The following BICD1 variants were observed in gnomAD, a reference collection of about 807,000 sequenced individuals.
BICD1 encodes the protein protein bicaudal D homolog 1.
Under a neutral mutation model 92.5 loss-of-function variants are expected in BICD1, and 35 were observed. That is an observed-to-expected ratio of 0.38 (90% CI 0.29 to 0.50). The LOEUF (loss-of-function observed/expected upper bound fraction) is 0.50. Among genes scored for constraint, BICD1 ranks in the 20% least tolerant of loss-of-function variants. The pLI is 0.93. For synonymous variants in BICD1, 429 were observed against 465.1 expected, an observed-to-expected ratio of 0.92 and a Z score of 1.00; for missense variants, 950 against 1,189.8, an observed-to-expected ratio of 0.80 and a Z score of 2.97.
chr12:32,263,706 G>A (rs77532322), intron 2 of BICD1, among the ~76,000 whole-genome samples: 3,113 of 152,232 alleles, frequency 0.02, 115 homozygotes, highest in African/African-American at 0.072. Flanking sequence ...TAAGTAAATT[G>A]AGACTCAGAA....
At chr12:32,199,068 G>T (rs1210624218) in intron 1 of BICD1, among the ~76,000 whole-genome samples, 6 of 152,162 alleles carry the variant, frequency 3.9e-5, no homozygotes, top group African/African-American at 1.4e-4. Flanking sequence ...ATTTGAGGCT[G>T]TTGGGGGATG....
chr12:32,304,473 T>C (rs1948157194), intron 3 of BICD1, among the ~76,000 whole-genome samples: 2 of 152,198 alleles, frequency 1.3e-5, no homozygotes, highest in Middle Eastern at 3.2e-3. Flanking sequence ...TTAAACACCA[T>C]GAAGGAACAC....
chr12:32,186,070 T>C (rs1218920375), intron 1 of BICD1, among the ~76,000 whole-genome samples: 1 of 152,222 alleles, frequency 6.6e-6, no homozygotes, highest in African/African-American at 2.4e-5. Context: ...AGGCAATGTT[T>C]CCAGGAGAAC....
chr12:32,362,729 G>A (rs79087830), intron 8 of BICD1, among the ~76,000 whole-genome samples: 3 of 152,096 alleles, frequency 2.0e-5, no homozygotes, highest in Non-Finnish European at 2.9e-5. Context: ...TCCTTGTTCC[G>A]CCACTTCCTA....
intron 4 of BICD1, among the ~76,000 whole-genome samples, chr12:32,318,431 C>T (rs1948563039): frequency 6.6e-6 from 1 of 151,958 alleles, no homozygotes; most frequent in African/African-American, 2.4e-5. Context: ...CCTTCACATC[C>T]CTTGTAAGTT....
At position 32,367,672 on chromosome 12, in the gene BICD1, T is replaced by C. The variant is rs766680668; in HGVS notation, c.2767T>C (p.Cys923Arg). 2.5e-6 allele frequency: 4 copies of C among 1,613,912 alleles called. No individual in the cohort carries two copies. In the East Asian group the frequency reaches 6.7e-5, roughly 27 times the overall value. Residue 923 changes from cysteine (C) to arginine (R), a missense_variant and splice_region_variant, in exon 9 of 10, where the codon TGT (cysteine) becomes CGT (arginine). By Grantham distance (180) the Cys-to-Arg change is radical. Coordinates refer to ENST00000652176, the MANE Select transcript of BICD1 (RefSeq NM_001714.4). ...EKRLTVAPPD[C>R]QQPAASVPPQ... ...TCTAATTTATCAGTTTCTTGTAGAT[T>C]GTCAGCAGCCTGCTGCCTCCGTACC...
intron 4 of BICD1, among the ~76,000 whole-genome samples, chr12:32,308,544 CTTTAA>C (rs1416573523): frequency 2.0e-5 from 3 of 152,066 alleles, no homozygotes; most frequent in African/African-American, 7.2e-5. Flanking sequence ...TCCATTGGTC[CTTTAA>C]TTTATTAGGC....
chr12:32,211,283 A>G (rs1174204361), intron 1 of BICD1, among the ~76,000 whole-genome samples: 4 of 152,334 alleles, frequency 2.6e-5, no homozygotes, highest in Admixed American at 2.6e-4. Context: ...GGTCCAGTGA[A>G]GGGCCAAGTT....
intron 3 of BICD1, among the ~76,000 whole-genome samples, chr12:32,296,243 G>A (rs976670681): frequency 4.4e-5 from 5 of 113,060 alleles, no homozygotes; most frequent in African/African-American, 1.8e-4. Flanking sequence ...AAAATAAGAA[G>A]GGGTTTTTTT....
At chr12:32,305,193 C>T (rs1362968653) in intron 3 of BICD1, among the ~76,000 whole-genome samples, 1 of 151,986 alleles carries the variant, frequency 6.6e-6, no homozygotes, top group African/African-American at 2.4e-5. Context: ...TTATTATAAT[C>T]GTTAACAAAT....
At chr12:32,222,662 C>T (rs1945568570) in intron 2 of BICD1, among the ~76,000 whole-genome samples, 1 of 152,144 alleles carries the variant, frequency 6.6e-6, no homozygotes, top group Admixed American at 6.5e-5. Flanking sequence ...GAATGTGCCC[C>T]TTTTAAATTC....
chr12:32,237,967 T>C (rs1386692037), intron 2 of BICD1, among the ~76,000 whole-genome samples: 2 of 152,234 alleles, frequency 1.3e-5, no homozygotes, highest in African/African-American at 2.4e-5. Flanking sequence ...GTGATTCCTC[T>C]GATGGATCTG....
At chr12:32,357,168 C>T (rs143357285) in intron 8 of BICD1, among the ~76,000 whole-genome samples, 7,183 of 151,958 alleles carry the variant, frequency 0.047, 538 homozygotes, top group African/African-American at 0.16. Flanking sequence ...CACGCCACCA[C>T]GCCCGGATAA....
intron 1 of BICD1, among the ~76,000 whole-genome samples, chr12:32,162,361 G>A (rs568308547): frequency 6.6e-6 from 1 of 152,318 alleles, no homozygotes; most frequent in East Asian, 1.9e-4. Context: ...TTGGAAGAAT[G>A]TAATATAGGC....
chr12:32,297,545 GT>G (rs944878034), intron 3 of BICD1, among the ~76,000 whole-genome samples: 1 of 152,106 alleles, frequency 6.6e-6, no homozygotes, highest in Non-Finnish European at 1.5e-5. Flanking sequence ...ATGCCACAGA[GT>G]TTTTTAAAGA....
In BICD1 at chr12:32,334,683, TC is replaced by T; in HGVS notation, c.2252+18del. ...TTGCAACAAGGTAACAGTATTTTCT[TC>T]CTATGACTGGGTGTGGTAGGTGGGG... On this transcript the variant is annotated intron_variant, in intron 6 of 9. Transcript: ENST00000652176. The T allele has an allele frequency of 6.2e-7, 1 of 1,602,488 alleles. No individual in the cohort carries two copies. The highest frequency in any genetic ancestry group is 8.5e-7 in the Non-Finnish European group (1 of 1,175,772).
At chr12:32,331,153 G>T (rs1937851504) in intron 5 of BICD1, among the ~76,000 whole-genome samples, 1 of 151,610 alleles carries the variant, frequency 6.6e-6, no homozygotes, top group Admixed American at 6.6e-5. Context: ...AAAAAATCAA[G>T]ATGCTTAACT....
chr12:32,346,300 T>C (rs1938563459), intron 8 of BICD1, among the ~76,000 whole-genome samples: 1 of 151,258 alleles, frequency 6.6e-6, no homozygotes, highest in African/African-American at 2.4e-5. Flanking sequence ...GTGGATCCCT[T>C]GAGGCCAAGA....
At chr12:32,373,974 G>A (rs183467804) in intron 9 of BICD1, among the ~76,000 whole-genome samples, 3 of 152,170 alleles carry the variant, frequency 2.0e-5, no homozygotes, top group Non-Finnish European at 2.9e-5. Context: ...TGCGCTTTGG[G>A]AAGCAGAGGC....
Sources: allele counts gnomAD v4.1 joint callset (sites outside exome capture counted in the v4.1 genomes callset), GRCh38; gene constraint gnomAD v4.1.1; transcripts MANE v1.5; gene names NCBI Gene and HGNC (gene_info 2026-07-23, HGNC 2026-07-21).